The following KICS2 variants were observed in gnomAD, a reference collection of about 807,000 sequenced individuals.
KICS2 encodes the protein KICSTOR subunit 2.
In KICS2, 13 loss-of-function variants were observed where a neutral mutation model predicts 31.4. The ratio of observed to expected loss-of-function variants is 0.41; its 90% CI spans 0.27 to 0.66. The LOEUF (loss-of-function observed/expected upper bound fraction) is 0.66, where lower values mean the gene tolerates loss of function less well. Ranked by LOEUF, KICS2 falls within the 30% of genes least tolerant of loss-of-function variation. The pLI, the probability that KICS2 is intolerant of heterozygous loss-of-function variation, is 0.28. For synonymous variants in KICS2, 209 were observed against 214.8 expected, an observed-to-expected ratio of 0.97 and a Z score of 0.24; for missense variants, 455 against 545.4, an observed-to-expected ratio of 0.83 and a Z score of 1.65.
At chr12:64,220,027 A>C (rs531972993) in intron 1 of KICS2, among the ~76,000 whole-genome samples, 18 of 152,302 alleles carry the variant, frequency 1.2e-4, no homozygotes, top group African/African-American at 3.8e-4. Flanking sequence ...TCCAGTACCC[A>C]AAAAAATGTG....
chr12:64,190,190 C>T (rs537794896), downstream of KICS2, among the ~76,000 whole-genome samples: 4 of 152,134 alleles, frequency 2.6e-5, no homozygotes, highest in Non-Finnish European at 5.9e-5. Context: ...GGAAAGGTGC[C>T]AAATTTAAGG....
chr12:64,195,776 T>C (rs1421999857), intron 2 of KICS2, among the ~76,000 whole-genome samples: 2 of 152,234 alleles, frequency 1.3e-5, no homozygotes, highest in Non-Finnish European at 2.9e-5. Flanking sequence ...GGGCGAGGCA[T>C]TGCCTCACCT....
intron 2 of KICS2, among the ~76,000 whole-genome samples, chr12:64,201,206 G>A (rs1295880333): frequency 4.1e-5 from 6 of 146,936 alleles, no homozygotes; most frequent in African/African-American, 1.3e-4. Context: ...GAACCAACCC[G>A]AATGTCCAAC....
chr12:64,222,084 G>GCCAGCAGCGACAT lies in KICS2; in HGVS notation c.153_154insATGTCGCTGCTGG (p.Leu52MetfsTer52). ...TGCGCCAAGGCCGCCAGCAGCGACA[G>GCCAGCAGCGACAT]CCAGCTGCCCCCCGCGCTCTTGTTG... On this transcript the variant is annotated frameshift_variant, in exon 1 of 3. Coordinates refer to ENST00000398055, the MANE Select transcript of KICS2 (RefSeq NM_152440.5). LOFTEE classifies it high-confidence loss of function. 6.2e-7 allele frequency: 1 copy of GCCAGCAGCGACAT among 1,613,984 alleles called. No individual in the cohort carries two copies. The highest frequency in any genetic ancestry group is 8.5e-7 in the Non-Finnish European group (1 of 1,179,936).
At chr12:64,208,193 G>C (rs2136700294) in intron 2 of KICS2, among the ~76,000 whole-genome samples, 1 of 152,318 alleles carries the variant, frequency 6.6e-6, no homozygotes, top group African/African-American at 2.4e-5. Flanking sequence ...ATTTTTAGTA[G>C]AGATGGAGTT....
chr12:64,188,251 A>G (rs373470938), downstream of KICS2, among the ~76,000 whole-genome samples: 8 of 152,190 alleles, frequency 5.3e-5, no homozygotes, highest in East Asian at 9.6e-4. Context: ...GGGGCTGGGC[A>G]CAGTGGCTCA....
downstream of KICS2, chr12:64,187,561 A>G: frequency 7.2e-7 from 1 of 1,392,884 alleles, no homozygotes; most frequent in East Asian, 2.5e-5. Flanking sequence ...AATGCACATC[A>G]AGCCTATTTC....
intron 1 of KICS2, among the ~76,000 whole-genome samples, chr12:64,216,533 C>T (rs1354036899): frequency 6.6e-6 from 1 of 152,070 alleles, no homozygotes; most frequent in Non-Finnish European, 1.5e-5. Context: ...CATATATTCC[C>T]TCTATGCAAG....
chr12:64,203,845 A>AT (rs908886996), intron 2 of KICS2, among the ~76,000 whole-genome samples: 14 of 152,208 alleles, frequency 9.2e-5, no homozygotes, highest in African/African-American at 2.7e-4. Flanking sequence ...TATTATCTGC[A>AT]TTTTACATCA....
intron 2 of KICS2, among the ~76,000 whole-genome samples, chr12:64,213,975 T>C (rs1421311426): frequency 1.3e-5 from 2 of 152,200 alleles, no homozygotes; most frequent in Non-Finnish European, 2.9e-5. Context: ...CTTGCAACCA[T>C]GAGGCCCTCC....
chr12:64,198,947 G>T (rs992044872), intron 2 of KICS2, among the ~76,000 whole-genome samples: 2 of 150,832 alleles, frequency 1.3e-5, no homozygotes, highest in Non-Finnish European at 3.0e-5. Flanking sequence ...AGCTGAAATT[G>T]TGGCAATAAT....
intron 2 of KICS2, among the ~76,000 whole-genome samples, chr12:64,212,480 C>T (rs2037590936): frequency 1.3e-5 from 2 of 152,200 alleles, no homozygotes; most frequent in Admixed American, 6.5e-5. Context: ...TCTCAAGGTT[C>T]ATCCATGTTG....
chr12:64,208,400 G>A (rs2037557901), intron 2 of KICS2, among the ~76,000 whole-genome samples: 1 of 152,202 alleles, frequency 6.6e-6, no homozygotes, highest in African/African-American at 2.4e-5. Context: ...ATAGGCTGGG[G>A]CACTATCATG....
chr12:64,212,603 C>T (rs983485709), intron 2 of KICS2, among the ~76,000 whole-genome samples: 1 of 152,172 alleles, frequency 6.6e-6, no homozygotes, highest in Non-Finnish European at 1.5e-5. Flanking sequence ...TGGGTTGCTT[C>T]TGCCCTTTGG....
chr12:64,213,577 C>T (rs2037603032), intron 2 of KICS2, among the ~76,000 whole-genome samples: 2 of 152,180 alleles, frequency 1.3e-5, no homozygotes, highest in African/African-American at 4.8e-5. Context: ...ACCTCCCCCC[C>T]TTTTCCTACA....
At chr12:64,194,936 A>ATTTTTTTTTTTTTTTTTTT (rs60371744) in intron 2 of KICS2, among the ~76,000 whole-genome samples, 1 of 149,456 alleles carries the variant, frequency 6.7e-6, no homozygotes, top group Non-Finnish European at 1.5e-5. Context: ...GCTACAATTC[A>ATTTTTTTTTTTTTTTTTTT]TTTTTTTTTT....
chr12:64,189,960 T>A (rs1374460304), downstream of KICS2, among the ~76,000 whole-genome samples: 3 of 151,202 alleles, frequency 2.0e-5, no homozygotes, highest in Admixed American at 6.6e-5. Flanking sequence ...ATTGATAGAG[T>A]AACCAAAGGA....
rs753892112 is a variant in KICS2 at position 64,194,505 on chromosome 12, C to G, written c.675G>C (p.Thr225=). ...NLHSAHTKLQ[T]WGQIFEKQRE... ...GCTGTTTCTCAAAGATCTGGCCCCACGTCTGCAGTTTGGTGTGCGCACTGT... is the reference window on the plus strand; with the variant it reads ...GCTGTTTCTCAAAGATCTGGCCCCAGGTCTGCAGTTTGGTGTGCGCACTGT... Residue 225 remains threonine, a synonymous_variant, in exon 3 of 3, where the codon ACG becomes ACC. Coordinates refer to ENST00000398055, the MANE Select transcript of KICS2 (RefSeq NM_152440.5). The G allele has an allele frequency of 3.7e-6, 6 of 1,614,022 alleles. No individual in the cohort carries two copies. The highest frequency in any genetic ancestry group is 5.1e-6 in the Non-Finnish European group (6 of 1,180,040).
intron 2 of KICS2, among the ~76,000 whole-genome samples, chr12:64,201,331 CATT>C (rs1325037614): frequency 1.0e-5 from 1 of 98,062 alleles, no homozygotes; most frequent in African/African-American, 4.2e-5. Context: ...TGGAAATCAT[CATT>C]CTCAGTAAAC....
Sources: gnomAD v4.1 joint callset for allele counts (sites outside exome capture counted in the v4.1 genomes callset) on GRCh38, gnomAD v4.1.1 for gene constraint, MANE v1.5 for transcripts, NCBI Gene and HGNC (gene_info 2026-07-23, HGNC 2026-07-21) for gene names.